The following TLR10 variants were observed in gnomAD, a reference collection of about 807,000 sequenced individuals.
TLR10 encodes toll-like receptor 10.
For missense variants in TLR10, 929 were observed against 932.9 expected, an observed-to-expected ratio of 1.00 and a Z score of 0.05; for synonymous variants, 288 against 338.8, an observed-to-expected ratio of 0.85 and a Z score of 1.65.
chr4:38,777,989 T>C (rs1260916540), intron 1 of TLR10, among the ~76,000 whole-genome samples: 1 of 152,120 alleles, frequency 6.6e-6, no homozygotes. Flanking sequence ...ACTATAAAGA[T>C]ACATGCACAC....
rs1724783919 is a variant in TLR10, at chr4:38,773,516, G to C, written c.2075C>G (p.Ser692Cys). The change falls in exon 4 of 4, where the codon TCC becomes TGC. Residue 692 changes from serine (S) to cysteine (C), a missense_variant. Transcript: ENST00000308973. ...AAAGTTGGGAGACAAAACAAAGATG[G>C]ACTTATAGCTTTTCTCAATGAAGCT... Reference protein sequence around the residue: ...IVSFIEKSYKSIFVLSPNFVQ... With the variant: ...IVSFIEKSYKCIFVLSPNFVQ... The C allele has an allele frequency of 6.8e-6, 11 of 1,612,082 alleles. No homozygotes were observed. The highest frequency in any genetic ancestry group is 9.3e-6 in the Non-Finnish European group (11 of 1,179,204).
Position 38,772,626 on chromosome 4 carries a change from T to G in TLR10, c.*529A>C, listed in dbSNP as rs890222316. On this transcript the variant is annotated 3_prime_UTR_variant, in exon 4 of 4. Coordinates refer to ENST00000308973, the MANE Select transcript of TLR10 (RefSeq NM_030956.4). ...GGATGTTTTCCATTTTTTTCTTTTT[T>G]TTTTTTCTTTTTTTTGAGATGGAGT... 6.9e-6 allele frequency: 1 copy of G among 144,544 alleles called. No individual in the cohort carries two copies. Among genetic ancestry groups the G allele is most frequent in the Admixed American group, 7.0e-5 (1 of 14,242 alleles). The allele number at this position is 144,544 out of a possible 1,614,324, so 9.0% of individuals were successfully genotyped here.
intron 1 of TLR10, among the ~76,000 whole-genome samples, chr4:38,777,272 G>C (rs1480394486): frequency 1.3e-5 from 2 of 152,162 alleles, no homozygotes; most frequent in Non-Finnish European, 2.9e-5. Flanking sequence ...CAAGACACTT[G>C]TTGTCTGGGG....
At chr4:38,777,362 T>C (rs1725120106) in intron 1 of TLR10, among the ~76,000 whole-genome samples, 1 of 152,022 alleles carries the variant, frequency 6.6e-6, no homozygotes, top group Admixed American at 6.6e-5. Flanking sequence ...GAGGAAGACC[T>C]GGAGTGGAGT....
At chr4:38,782,189 T>C (rs922663660) in intron 1 of TLR10, among the ~76,000 whole-genome samples, 2 of 152,200 alleles carry the variant, frequency 1.3e-5, no homozygotes, top group Admixed American at 1.3e-4. Flanking sequence ...CCCCTGTCTA[T>C]GAAGCTTCAT....
At position 38,773,281 on chromosome 4, in the gene TLR10, G is replaced by T. The variant is rs1219298712; in HGVS notation, c.2310C>A (p.Asn770Lys). 3 of 1,612,316 alleles carry T rather than the reference G, an allele frequency of 1.9e-6. No homozygotes were observed. Among genetic ancestry groups the T allele is most frequent in the Non-Finnish European group, 2.5e-6 (3 of 1,179,552 alleles). ...DRRKCGLFWA[N>K]LRAAINVNVL... ...CATTAACATTAATAGCAGCTCGAAGGTTTGCCCAGAAAAGCCCACATTTAC... is the reference window on the plus strand; with the variant it reads ...CATTAACATTAATAGCAGCTCGAAGTTTTGCCCAGAAAAGCCCACATTTAC... The change falls in exon 4 of 4, where the codon AAC becomes AAA. Residue 770 changes from asparagine to lysine, a missense_variant. Transcript: ENST00000308973.
chr4:38,773,474 C>G lies in TLR10; in HGVS notation c.2117G>C (p.Cys706Ser). 1 of 1,611,882 alleles carries G rather than the reference C, an allele frequency of 6.2e-7. No individual in the cohort carries two copies. Among genetic ancestry groups the G allele is most frequent in the Non-Finnish European group, 8.5e-7 (1 of 1,179,206 alleles). The part of the protein sequence containing the change: ...LSPNFVQNEW[C>S]HYEFYFAHHN... ...GTGGGCAAAGTAGAATTCATAATGGCACCACTCATTCTGGACAAAGTTGGG... is the reference window on the plus strand; with the variant it reads ...GTGGGCAAAGTAGAATTCATAATGGGACCACTCATTCTGGACAAAGTTGGG... Residue 706 changes from cysteine to serine, a missense_variant, in exon 4 of 4, where the codon TGC becomes TCC. Cys to Ser is a moderately radical substitution (Grantham distance 112). Transcript: ENST00000308973.
At position 38,773,411 on chromosome 4, in the gene TLR10, A is replaced by G. The variant is rs1175051925; in HGVS notation, c.2180T>C (p.Leu727Pro). The G allele has an allele frequency of 1.2e-6, 2 of 1,613,394 alleles. No individual in the cohort carries two copies. The highest frequency in any genetic ancestry group is 2.2e-5 in the South Asian group (2 of 90,870). The part of the protein sequence containing the change: ...LFHENSDHII[L>P]ILLEPIPFYC... Reference sequence around the variant, plus strand: ...GAATGGAATGGGTTCCAGTAAGATAAGAATTATATGATCAGAATTTTCATG... The same window carrying G: ...GAATGGAATGGGTTCCAGTAAGATAGGAATTATATGATCAGAATTTTCATG... Residue 727 changes from leucine (L) to proline (P), a missense_variant, in exon 4 of 4, where the codon CTT becomes CCT. Transcript: ENST00000308973.
rs998537076 is a variant in TLR10, at chr4:38,776,427, C to A, written c.-568-1G>T. 6.5e-6 allele frequency: 1 copy of A among 154,908 alleles called. No homozygotes were observed. The highest frequency in any genetic ancestry group is 6.5e-5 in the Admixed American group (1 of 15,362). 9.6% of individuals were successfully genotyped at this position (154,908 alleles called of 1,614,324 possible). ...GGTCTTGATATTCAGCTGCTGAATTCTGTTATGGCATAGAATCAAAGCTTT... is the reference window on the plus strand; with the variant it reads ...GGTCTTGATATTCAGCTGCTGAATTATGTTATGGCATAGAATCAAAGCTTT... On this transcript the variant is annotated splice_acceptor_variant, in intron 1 of 3. Coordinates refer to ENST00000308973, the MANE Select transcript of TLR10 (RefSeq NM_030956.4). LOFTEE classifies it low-confidence loss of function (5UTR_SPLICE).
At chr4:38,782,623 A>G (rs900002706) in intron 1 of TLR10, among the ~76,000 whole-genome samples, 3 of 152,226 alleles carry the variant, frequency 2.0e-5, no homozygotes, top group African/African-American at 7.2e-5. Flanking sequence ...AATAAGAGCT[A>G]GAAAAAACTT....
In TLR10 at chr4:38,773,951, C is replaced by A; in HGVS notation, c.1640G>T (p.Trp547Leu). 1 of 1,579,106 alleles carries A rather than the reference C, an allele frequency of 6.3e-7. No individual in the cohort carries two copies. The highest frequency in any genetic ancestry group is 8.6e-7 in the Non-Finnish European group (1 of 1,162,014). ...GTATTCACAGGTGTATGAATCTGAC[C>A]ATCCAACCATCATGACCTCTGAATA... ...ETYSEVMMVG[W>L]SDSYTCEYPL... The change falls in exon 4 of 4, where the codon TGG becomes TTG. Residue 547 changes from tryptophan (W) to leucine (L), a missense_variant. Trp to Leu is a moderately conservative substitution (Grantham distance 61). Transcript: ENST00000308973.
Position 38,773,540 on chromosome 4 carries a change from C to T in TLR10, c.2051G>A (p.Ser684Asn). 6.2e-7 allele frequency: 1 copy of T among 1,610,460 alleles called. No homozygotes were observed. The highest frequency in any genetic ancestry group is 8.5e-7 in the Non-Finnish European group (1 of 1,178,534). Residue 684 changes from serine (S) to asparagine (N), a missense_variant, in exon 4 of 4, where the codon AGC (serine) becomes AAC (asparagine). Coordinates refer to ENST00000308973, the MANE Select transcript of TLR10 (RefSeq NM_030956.4). ...PGKSISENIV[S>N]FIEKSYKSIF... ...GGACTTATAGCTTTTCTCAATGAAG[C>T]TTACAATATTTTCACTAATGCTTTT...
Position 38,773,498 on chromosome 4 carries a change from G to T in TLR10, c.2093C>A (p.Pro698His). The stretch of plus-strand genomic sequence containing the variant: ...GCACCACTCATTCTGGACAAAGTTG[G>T]GAGACAAAACAAAGATGGACTTATA... The part of the protein sequence containing the change: ...KSYKSIFVLS[P>H]NFVQNEWCHY... The change falls in exon 4 of 4, where the codon CCC becomes CAC. Residue 698 changes from proline to histidine, a missense_variant. Physicochemically the swap from Pro to His is moderately conservative, Grantham distance 77 (BLOSUM62 -2). Coordinates refer to ENST00000308973, the MANE Select transcript of TLR10 (RefSeq NM_030956.4). The T allele has an allele frequency of 6.2e-7, 1 of 1,612,080 alleles. No individual in the cohort carries two copies. Among genetic ancestry groups the T allele is most frequent in the Non-Finnish European group, 8.5e-7 (1 of 1,179,258 alleles).
intron 1 of TLR10, chr4:38,778,925 A>G (rs1196227562): frequency 6.6e-6 from 1 of 152,234 alleles, no homozygotes; most frequent in Non-Finnish European, 1.5e-5. Flanking sequence ...TGGCAGGGTA[A>G]CAAAGGTGGG....
At position 38,773,173 on chromosome 4, in the gene TLR10, C is replaced by T. The variant is rs759925097; in HGVS notation, c.2418G>A (p.Met806Ile). The T allele has an allele frequency of 9.1e-6, 14 of 1,541,108 alleles. No individual in the cohort carries two copies. The highest frequency in any genetic ancestry group is 1.2e-5 in the Non-Finnish European group (14 of 1,149,174). ...TGGGATTTTATAGACAATCTGTTCT[C>T]ATCAGAGAGATTGTAGAACCTCGAG... ...EESRGSTISL[M>I]RTDCL The change falls in exon 4 of 4, where the codon ATG (methionine) becomes ATA (isoleucine). Residue 806 changes from methionine (M) to isoleucine (I), a missense_variant. Met to Ile is a conservative substitution (Grantham distance 10). Coordinates refer to ENST00000308973, the MANE Select transcript of TLR10 (RefSeq NM_030956.4).
Position 38,773,215 on chromosome 4 carries a change from T to A in TLR10, c.2376A>T (p.Thr792=). The A allele has an allele frequency of 6.3e-7, 1 of 1,582,412 alleles. No individual in the cohort carries two copies. Among genetic ancestry groups the A allele is most frequent in the South Asian group, 1.2e-5 (1 of 84,534 alleles). Residue 792 remains threonine, a synonymous_variant, in exon 4 of 4, where the codon ACA becomes ACT. Transcript: ENST00000308973. The stretch of plus-strand genomic sequence containing the variant: ...AACCTCGAGACTCTTCATTTAACTC[T>A]GTGAATGTCTGCAGTTCATACATTT... ...TREMYELQTF[T]ELNEESRGST... is the part of the protein sequence containing the mutation.
intron 1 of TLR10, among the ~76,000 whole-genome samples, chr4:38,776,952 T>C (rs6856416): frequency 0.095 from 14,486 of 152,106 alleles, 1,191 homozygotes; most frequent in African/African-American, 0.2. Flanking sequence ...GGGAACCTCC[T>C]CTTTATAAAA....
rs1223540956 is a variant in TLR10, at chr4:38,775,824, C to A, written c.-112G>T. Reference sequence around the variant, plus strand: ...TCTCAGAGCATTGGCTGAGAAGTCTCCAAGCTGGCTACTGTGCCATGTCTC... The same window carrying A: ...TCTCAGAGCATTGGCTGAGAAGTCTACAAGCTGGCTACTGTGCCATGTCTC... On this transcript the variant is annotated 5_prime_UTR_variant, in exon 3 of 4. An upstream open reading frame in the 5' UTR gains an earlier in-frame stop. Transcript: ENST00000308973. 25 of 376,012 alleles carry A rather than the reference C, an allele frequency of 6.6e-5. No homozygotes were observed. The South Asian group carries it at 7.8e-4, about 12-fold the overall frequency. The allele number at this position is 376,012 out of a possible 1,614,324, so 23.3% of individuals were successfully genotyped here.
rs778142062 is a variant in TLR10 at position 38,775,198 on chromosome 4, G to A, written c.393C>T (p.Thr131=). ...TGCCAGCTTCCTCACAGATAGGCATGGTGTCAAAGTCATTAAAAGAAAGAT... is the reference window on the plus strand; with the variant it reads ...TGCCAGCTTCCTCACAGATAGGCATAGTGTCAAAGTCATTAAAAGAAAGAT... The part of the protein sequence containing the change: ...YLDLSFNDFD[T]MPICEEAGNM... The change falls in exon 4 of 4, where the codon ACC becomes ACT. Residue 131 remains threonine (T), a synonymous_variant. Transcript: ENST00000308973. 6.8e-6 allele frequency: 11 copies of A among 1,612,882 alleles called. No individual in the cohort carries two copies. The Admixed American group carries it at 1.3e-4, about 20-fold the overall frequency.
Sources: gnomAD v4.1 joint callset for allele counts (sites outside exome capture counted in the v4.1 genomes callset) on GRCh38, gnomAD v4.1.1 for gene constraint, MANE v1.5 for transcripts, NCBI Gene and HGNC (gene_info 2026-07-23, HGNC 2026-07-21) for gene names.